Variants in PLCZ1 observed in about 807,000 individuals in gnomAD.
The protein encoded by PLCZ1 is 1-phosphatidylinositol 4,5-bisphosphate phosphodiesterase zeta-1.
A neutral mutation model predicts 76.8 loss-of-function variants in PLCZ1; 64 were observed. The ratio of observed to expected loss-of-function variants is 0.83; its 90% CI spans 0.68 to 1.03. PLCZ1 has a LOEUF of 1.03. Among genes scored for constraint, PLCZ1 ranks in the 50% least tolerant of loss-of-function variants. The pLI is 0.00. For synonymous variants in PLCZ1, 248 were observed against 230.8 expected (o/e 1.07, Z -0.68); for missense variants, 751 against 713.7 (o/e 1.05, Z -0.60).
At chr12:18,696,049 A>AG in intron 11 of PLCZ1, 101 bp downstream of exon 11, 1 of 652,842 alleles carries the variant, frequency 1.5e-6, no homozygotes, top group South Asian at 1.6e-5. Context: ...GGGCTAAAAA[A>AG]TCTTTTACAG....
At chr12:18,735,647 C>G (rs912259567) in intron 3 of PLCZ1, 3 of 151,958 alleles carry the variant, frequency 2.0e-5, no homozygotes, top group Admixed American at 6.6e-5. Context: ...TCTAGATTGT[C>G]CAATTTTATG....
chr12:18,694,934 A>G lies in PLCZ1; in HGVS notation c.1437T>C (p.Gly479=), dbSNP rs1954742603. Residue 479 remains glycine (G), a synonymous_variant, in exon 12 of 15, where the codon GGT becomes GGC. Coordinates refer to ENST00000266505, the MANE Select transcript of PLCZ1 (RefSeq NM_033123.4). ...SYFNPSNIKE[G]MPITLTIRLI... is the part of the protein sequence containing the mutation. Reference sequence around the variant, plus strand: ...CCCTTATTGTAAGTGTAATTGGCATACCCTCTTTTATGTTACTTGGGTTAA... The same window carrying G: ...CCCTTATTGTAAGTGTAATTGGCATGCCCTCTTTTATGTTACTTGGGTTAA... 6.2e-7 allele frequency: 1 copy of G among 1,600,606 alleles called. No homozygotes were observed. Among genetic ancestry groups the G allele is most frequent in the Admixed American group, 1.7e-5 (1 of 59,728 alleles).
At chr12:18,736,874 C>T in intron 2 of PLCZ1, 1 of 427,128 alleles carries the variant, frequency 2.3e-6, no homozygotes, top group South Asian at 1.7e-5. Context: ...GTCCAATGCC[C>T]AGCTACACAC....
At position 18,700,002 on chromosome 12, in the gene PLCZ1, A is replaced by C. The variant is rs141575973; in HGVS notation, c.1018-52T>G. The C allele has an allele frequency of 8.8e-5, 135 of 1,530,254 alleles. No homozygotes were observed. In the African/African-American group the frequency reaches 1.5e-3, roughly 17 times the overall value. The allele number at this position is 1,530,254 out of a possible 1,614,324, so 94.8% of individuals were successfully genotyped here. ...ATTTTTATGCTAATCATTGGGAAAA[A>C]AAATTTTTTCTAGTAAAGAAAATAC... On this transcript the variant is annotated intron_variant, in intron 9 of 14. Transcript: ENST00000266505.
At chr12:18,651,684 G>A in the PLCZ1 span, among the ~76,000 whole-genome samples, 1 of 152,128 alleles carries the variant, frequency 6.6e-6, no homozygotes, top group East Asian at 1.9e-4. Flanking sequence ...AGCCTTTGAA[G>A]GCCTTTTCTC....
At chr12:18,668,993 TC>T in the PLCZ1 span, among the ~76,000 whole-genome samples, 1 of 152,062 alleles carries the variant, frequency 6.6e-6, no homozygotes, top group South Asian at 2.1e-4. Flanking sequence ...GTAATTAATT[TC>T]CCCCGCTGAG....
chr12:18,673,436 C>T, the PLCZ1 span, among the ~76,000 whole-genome samples: 4 of 151,878 alleles, frequency 2.6e-5, no homozygotes, highest in South Asian at 2.1e-4. Flanking sequence ...CTTTTTACAT[C>T]CATTATGGAA....
intron 7 of PLCZ1, 126 bp downstream of exon 7, chr12:18,705,040 A>G: frequency 8.6e-7 from 1 of 1,156,988 alleles, no homozygotes; most frequent in Non-Finnish European, 1.3e-6. Flanking sequence ...GCAAAAATAA[A>G]CCTCTATACG....
the PLCZ1 span, among the ~76,000 whole-genome samples, chr12:18,665,796 G>A: frequency 0.017 from 2,655 of 152,076 alleles, 42 homozygotes; most frequent in Middle Eastern, 0.054. Context: ...TTAGCCAGGC[G>A]TAGTGGTGCG....
rs201708969 is a variant in PLCZ1 at position 18,684,319 on chromosome 12, C to A, written c.1592-40G>T. The stretch of plus-strand genomic sequence containing the variant: ...AAGAAGATACAAAGAATAATAGATA[C>A]CATATCTAGGAAAAAATAGATTACA... On this transcript the variant is annotated intron_variant, in intron 13 of 14. Coordinates refer to ENST00000266505, the MANE Select transcript of PLCZ1 (RefSeq NM_033123.4). 6.5e-6 allele frequency: 10 copies of A among 1,543,230 alleles called. No homozygotes were observed. The East Asian group carries it at 1.6e-4, about 24-fold the overall frequency.
intron 11 of PLCZ1, among the ~76,000 whole-genome samples, chr12:18,695,537 A>C (rs1468055305): frequency 6.6e-6 from 1 of 152,152 alleles, no homozygotes; most frequent in African/African-American, 2.4e-5. Flanking sequence ...GAAGTACCTC[A>C]GTATAGCCTG....
intron 7 of PLCZ1, among the ~76,000 whole-genome samples, chr12:18,703,738 C>T (rs1298722494): frequency 1.3e-5 from 2 of 152,088 alleles, no homozygotes; most frequent in Non-Finnish European, 2.9e-5. Flanking sequence ...TTCACTTTTT[C>T]CCACACCAGG....
At chr12:18,737,568 C>T in intron 1 of PLCZ1, 59 bp from the exon 2 acceptor site, 2 of 724,614 alleles carry the variant, frequency 2.8e-6, no homozygotes, top group Non-Finnish European at 4.9e-6. Context: ...TTGAAGCTAG[C>T]TCACACTTAA....
At chr12:18,721,505 T>C (rs1444562458) in intron 4 of PLCZ1, among the ~76,000 whole-genome samples, 2 of 152,000 alleles carry the variant, frequency 1.3e-5, no homozygotes, top group Admixed American at 1.3e-4. Flanking sequence ...TTCCAAAGTG[T>C]CACTGCCTCC....
chr12:18,705,158 A>AC lies in PLCZ1; in HGVS notation c.864+7_864+8insG. 6.2e-7 allele frequency: 1 copy of AC among 1,613,940 alleles called. No individual in the cohort carries two copies. On this transcript the variant is annotated splice_region_variant and intron_variant, in intron 7 of 14. Transcript: ENST00000266505. The stretch of plus-strand genomic sequence containing the variant: ...TCTTAACCTGAGTTTCTCAGAAAAA[A>AC]ATGTTACCTCTGGTGATGGTAGAGT...
intron 6 of PLCZ1, among the ~76,000 whole-genome samples, chr12:18,709,730 C>A (rs1957065814): frequency 6.6e-6 from 1 of 151,968 alleles, no homozygotes; most frequent in Admixed American, 6.6e-5. Context: ...GAAAAAAAAC[C>A]CTGTGTATTG....
chr12:18,686,595 C>T (rs1953189033), intron 13 of PLCZ1, among the ~76,000 whole-genome samples: 2 of 151,948 alleles, frequency 1.3e-5, no homozygotes, highest in South Asian at 4.1e-4. Context: ...ATGTCCTTGT[C>T]CCCAATCTCT....
chr12:18,676,629 T>C, the PLCZ1 span, among the ~76,000 whole-genome samples: 26 of 152,286 alleles, frequency 1.7e-4, no homozygotes, highest in East Asian at 4.6e-3. Context: ...ATAATCAGTC[T>C]AGCAAGATGA....
Position 18,713,452 on chromosome 12 carries a change from TG to T in PLCZ1, c.570-467del, listed in dbSNP as rs1011497146. Among the ~76,000 whole-genome samples, 14 of 152,266 alleles carry T rather than the reference TG, an allele frequency of 9.2e-5. 1 individual carries two copies. The highest frequency in any genetic ancestry group is 3.1e-4 in the African/African-American group (13 of 41,570). Reference sequence around the variant, plus strand: ...CTAATTCTTTCCTCATGTCAGGCTTTGGGGAATGGGGTATATGGCAGAAAGG... The same window carrying T: ...CTAATTCTTTCCTCATGTCAGGCTTTGGGAATGGGGTATATGGCAGAAAGG... On this transcript the variant is annotated intron_variant, in intron 5 of 14. Coordinates refer to ENST00000266505, the MANE Select transcript of PLCZ1 (RefSeq NM_033123.4).
Sources: allele counts gnomAD v4.1 joint callset (sites outside exome capture counted in the v4.1 genomes callset), GRCh38; gene constraint gnomAD v4.1.1; transcripts MANE v1.5; gene names NCBI Gene and HGNC (gene_info 2026-07-23, HGNC 2026-07-21).